Variants in OSBPL3 observed in about 807,000 individuals in gnomAD.
OSBPL3 encodes oxysterol binding protein like 3, also known as oxysterol-binding protein-related protein 3.
Under a neutral mutation model 120.1 loss-of-function variants are expected in OSBPL3, and 65 were observed. That is an observed-to-expected ratio of 0.54 (90% CI 0.44 to 0.67). The LOEUF (loss-of-function observed/expected upper bound fraction) is 0.67. OSBPL3 is among the 30% of genes least tolerant of loss of function. OSBPL3 has a pLI of 0.00. For missense variants in OSBPL3, 1,004 were observed against 1,082.1 expected (o/e 0.93, Z 1.01); for synonymous variants, 416 against 402.6 (o/e 1.03, Z -0.40).
rs897895316 is a variant in OSBPL3, at chr7:24,818,901, G to A, written c.1948+1274C>T. On this transcript the variant is annotated intron_variant, in intron 17 of 22. Transcript: ENST00000313367. This position sits in a 1 kb window ranked among gnomAD's most constrained non-coding sequence, Gnocchi z 4.0. ...GAGAAGGATGCTAAGGCTGAGAAGGGAAGGATGTAACACAGGAGCACACAA... is the reference window on the plus strand; with the variant it reads ...GAGAAGGATGCTAAGGCTGAGAAGGAAAGGATGTAACACAGGAGCACACAA... Among the ~76,000 whole-genome samples the A allele has an allele frequency of 5.3e-5, 8 of 152,112 alleles. No homozygotes were observed. The highest frequency in any genetic ancestry group is 1.9e-4 in the African/African-American group (8 of 41,430).
intron 22 of OSBPL3, 85 bp from the exon 23 acceptor site, chr7:24,800,364 TC>T: frequency 2.7e-6 from 2 of 747,742 alleles, no homozygotes; most frequent in Non-Finnish European, 4.7e-6. Flanking sequence ...CTCCCTGCTT[TC>T]CCCATCCTCA....
intron 12 of OSBPL3, among the ~76,000 whole-genome samples, chr7:24,848,337 C>A (rs1405582102): frequency 6.6e-6 from 1 of 152,158 alleles, no homozygotes; most frequent in East Asian, 1.9e-4. Context: ...CAGTCTAATT[C>A]ATTTGTTAAT....
rs1233833314 is a variant in OSBPL3 at position 24,797,198 on chromosome 7, C to G, written c.*2985G>C. ...TAGAACAAGATCACTCATGATAAAT[C>G]TGGAAGATGCAGATGGAAGACAGTG... On this transcript the variant is annotated 3_prime_UTR_variant, in exon 23 of 23. Transcript: ENST00000313367. The surrounding 1 kb of genome is among the most constrained non-coding windows in gnomAD (Gnocchi z 4.8). 3.9e-5 allele frequency: 6 copies of G among 152,152 alleles called. No individual in the cohort carries two copies. Among genetic ancestry groups the G allele is most frequent in the Admixed American group, 2.6e-4 (4 of 15,280 alleles). 9.4% of individuals were successfully genotyped at this position (152,152 alleles called of 1,614,324 possible). A position where few individuals can be genotyped will look rare whatever the true frequency, so the allele number is the denominator to read the frequency against.
intron 1 of OSBPL3, among the ~76,000 whole-genome samples, chr7:24,960,703 T>C (rs1341588162): frequency 1.3e-5 from 2 of 152,124 alleles, no homozygotes; most frequent in African/African-American, 4.8e-5. Context: ...TCACCAGGGG[T>C]GACTTCACAG....
chr7:24,866,296 T>A, intron 5 of OSBPL3, 59 bp from the exon 6 acceptor site: 1 of 1,263,132 alleles, frequency 7.9e-7, no homozygotes, highest in East Asian at 2.3e-5. Flanking sequence ...AAGGAACAAT[T>A]ACTCATCAAA....
chr7:24,884,088 CAACA>C (rs200602200), intron 2 of OSBPL3, among the ~76,000 whole-genome samples: 159 of 89,298 alleles, frequency 1.8e-3, no homozygotes, highest in Admixed American at 7.7e-3. Flanking sequence ...ACAACAGCAA[CAACA>C]AAAAAAAACA....
At chr7:24,907,047 T>A (rs887477809) in intron 1 of OSBPL3, among the ~76,000 whole-genome samples, 1 of 151,920 alleles carries the variant, frequency 6.6e-6, no homozygotes, top group African/African-American at 2.4e-5. Flanking sequence ...CCAAACTCCC[T>A]CTCCCAGAGC....
chr7:24,886,886 C>T (rs1804610445), intron 2 of OSBPL3, among the ~76,000 whole-genome samples: 1 of 152,124 alleles, frequency 6.6e-6, no homozygotes. Context: ...GCCTTTCATC[C>T]CCAGGACTGC....
chr7:24,927,507 TA>T (rs1811210101), intron 1 of OSBPL3, among the ~76,000 whole-genome samples: 1 of 152,350 alleles, frequency 6.6e-6, no homozygotes, highest in Non-Finnish European at 1.5e-5. Context: ...TTTTGGTGAC[TA>T]AAGAAGAATT....
At chr7:24,865,629 G>A (rs1480921976) in intron 6 of OSBPL3, among the ~76,000 whole-genome samples, 164 bp from the exon 7 acceptor site, 1 of 152,160 alleles carries the variant, frequency 6.6e-6, no homozygotes, top group Non-Finnish European at 1.5e-5. Flanking sequence ...TATCACCCCG[G>A]CTTGGCCATA....
chr7:24,854,718 T>C lies in OSBPL3; in HGVS notation c.1028-2084A>G, dbSNP rs1394653771. Among the ~76,000 whole-genome samples, 1 of 152,224 alleles carries C rather than the reference T, an allele frequency of 6.6e-6. No homozygotes were observed. Among genetic ancestry groups the C allele is most frequent in the Non-Finnish European group, 1.5e-5 (1 of 68,036 alleles). On this transcript the variant is annotated intron_variant, in intron 10 of 22. Transcript: ENST00000313367. This position sits in a 1 kb window ranked among gnomAD's most constrained non-coding sequence, Gnocchi z 4.1. ...GGGCTCCACCATCAGCCCTGGATTC[T>C]TCCCCACTCCATCACCTATTAACTC...
At position 24,834,760 on chromosome 7, in the gene OSBPL3, G is replaced by T. The variant is rs750267968; in HGVS notation, c.1496-24C>A. ...CCCTGAAAGGGAAAGAGGCCTGGTT[G>T]TCTCTATAAAGCTTTTCATTTTATT... On this transcript the variant is annotated intron_variant, in intron 14 of 22. Transcript: ENST00000313367. The surrounding 1 kb of genome is among the most constrained non-coding windows in gnomAD (Gnocchi z 5.2). The T allele has an allele frequency of 5.8e-6, 9 of 1,563,124 alleles. No individual in the cohort carries two copies. In the Admixed American group the frequency reaches 6.0e-5, roughly 10 times the overall value.
intron 13 of OSBPL3, among the ~76,000 whole-genome samples, chr7:24,841,591 A>T (rs748202340): frequency 1.4e-5 from 2 of 147,096 alleles, no homozygotes; most frequent in Non-Finnish European, 3.0e-5. Context: ...GATACTTGGG[A>T]GGCTGAAGTA....
Position 24,967,744 on chromosome 7 carries a change from C to A in OSBPL3, c.-150+12142G>T, listed in dbSNP as rs1231870618. ...TTCCCCCTTTCTCTCCTGGGACCTG[C>A]CCCAAAGGTTCTATAGGTAAAGGCC... On this transcript the variant is annotated intron_variant, in intron 1 of 22. Transcript: ENST00000313367. The surrounding 1 kb of genome is among the most constrained non-coding windows in gnomAD (Gnocchi z 5.6). Among the ~76,000 whole-genome samples, 3 of 152,172 alleles carry A rather than the reference C, an allele frequency of 2.0e-5. No homozygotes were observed. Among genetic ancestry groups the A allele is most frequent in the Admixed American group, 6.5e-5 (1 of 15,276 alleles).
rs1267798501 is a variant in OSBPL3, at chr7:24,854,489, TAC to T, written c.1028-1857_1028-1856del. Among the ~76,000 whole-genome samples, 1 of 127,378 alleles carries T rather than the reference TAC, an allele frequency of 7.9e-6. No individual in the cohort carries two copies. Among genetic ancestry groups the T allele is most frequent in the Non-Finnish European group, 1.6e-5 (1 of 62,244 alleles). 83.6% of individuals were successfully genotyped at this position (127,378 alleles called of 152,430 possible). ...ATCTTAACAAAGTCACAACAATTTG[TAC>T]ACACACACACGCACACACACACACA... On this transcript the variant is annotated intron_variant, in intron 10 of 22. Coordinates refer to ENST00000313367, the MANE Select transcript of OSBPL3 (RefSeq NM_015550.4). This position sits in a 1 kb window ranked among gnomAD's most constrained non-coding sequence, Gnocchi z 4.1.
rs1175839706 is a variant in OSBPL3, at chr7:24,896,034, T to C, written c.-149-3413A>G. Among the ~76,000 whole-genome samples, 2 of 152,178 alleles carry C rather than the reference T, an allele frequency of 1.3e-5. No homozygotes were observed. The highest frequency in any genetic ancestry group is 2.9e-5 in the Non-Finnish European group (2 of 68,028). On this transcript the variant is annotated intron_variant, in intron 1 of 22. Coordinates refer to ENST00000313367, the MANE Select transcript of OSBPL3 (RefSeq NM_015550.4). This position sits in a 1 kb window ranked among gnomAD's most constrained non-coding sequence, Gnocchi z 4.4. ...AGATTGCTGTCCCTGAGTAAATCTC[T>C]CCTGCAAGTACTTGTCAACATGCCT...
At chr7:24,812,551 T>G (rs1394524287) in intron 19 of OSBPL3, among the ~76,000 whole-genome samples, 3 of 147,200 alleles carry the variant, frequency 2.0e-5, no homozygotes, top group Non-Finnish European at 4.5e-5. Flanking sequence ...CTAGAGTTGG[T>G]TTTTTTTGTT....
In OSBPL3 at chr7:24,804,561, G is replaced by A. The variant is rs940148083; in HGVS notation, c.2445-124C>T. ...AATCCTCTCCTATACGTAAGACCCC[G>A]CCCCAACCGTTTAATCCGTATCTTG... On this transcript the variant is annotated intron_variant, in intron 21 of 22. Transcript: ENST00000313367. The surrounding 1 kb of genome is among the most constrained non-coding windows in gnomAD (Gnocchi z 5.4). 16 of 799,272 alleles carry A rather than the reference G, an allele frequency of 2.0e-5. No individual in the cohort carries two copies. Among genetic ancestry groups the A allele is most frequent in the Middle Eastern group, 3.7e-4 (1 of 2,694 alleles). The allele number at this position is 799,272 out of a possible 1,614,324, so 49.5% of individuals were successfully genotyped here. A position where few individuals can be genotyped will look rare whatever the true frequency, so the allele number is the denominator to read the frequency against.
At chr7:24,910,548 A>AG (rs773069557) in intron 1 of OSBPL3, among the ~76,000 whole-genome samples, 2 of 152,276 alleles carry the variant, frequency 1.3e-5, no homozygotes, top group African/African-American at 2.4e-5. Context: ...ATATCCTATA[A>AG]AGTAACTACT....
Sources: gnomAD v4.1 joint callset for allele counts (sites outside exome capture counted in the v4.1 genomes callset) on GRCh38, gnomAD v4.1.1 for gene constraint, Gnocchi (gnomAD v3.1) non-coding constraint, MANE v1.5 for transcripts, NCBI Gene and HGNC (gene_info 2026-07-23, HGNC 2026-07-21) for gene names.